Variants in NEBL observed in about 807,000 individuals in gnomAD.
NEBL encodes the protein nebulette, also known as LIM and SH3 protein 2.
A neutral mutation model predicts 140.2 loss-of-function variants in NEBL; 122 were observed. The ratio of observed to expected loss-of-function variants is 0.87; its 90% CI spans 0.75 to 1.01. The LOEUF is 1.01. Among genes scored for constraint, NEBL ranks in the 50% least tolerant of loss-of-function variants. The pLI, the probability that NEBL is intolerant of heterozygous loss-of-function variation, is 0.00. For missense variants in NEBL, 1,365 were observed against 1,231.3 expected (o/e 1.11, Z -1.62); for synonymous variants, 436 against 398.9 (o/e 1.09, Z -1.11).
At chr10:20,922,595 C>T (rs576177001) in intron 4 of NEBL, among the ~76,000 whole-genome samples, 4 of 152,298 alleles carry the variant, frequency 2.6e-5, no homozygotes, top group African/African-American at 9.6e-5. Context: ...CTGAAGACCT[C>T]CAGGGAAGGA....
chr10:21,232,327 AC>A (rs1221374083), intron 3 of NEBL, among the ~76,000 whole-genome samples: 1 of 152,144 alleles, frequency 6.6e-6, no homozygotes, highest in Non-Finnish European at 1.5e-5. Context: ...GGCACCAGGG[AC>A]CTGTTAAGTG....
In NEBL at chr10:20,845,902, T is replaced by C. The variant is rs75123427; in HGVS notation, c.1117-534A>G. On this transcript the variant is annotated intron_variant, in intron 11 of 27. Coordinates refer to ENST00000377122, the MANE Select transcript of NEBL (RefSeq NM_006393.3). ...GGGTTTCCCTTTAATGATTTTGGAG[T>C]TGAGAATATTTCTCTACCATCTATG... Among the ~76,000 whole-genome samples the C allele has an allele frequency of 1.3e-3, 203 of 152,242 alleles. 2 individuals are homozygous for C. The highest frequency in any genetic ancestry group is 4.7e-3 in the African/African-American group (194 of 41,556).
chr10:20,858,210 A>C, intron 9 of NEBL, 30 bp downstream of exon 9: 1 of 1,532,400 alleles, frequency 6.5e-7, no homozygotes, highest in Non-Finnish European at 9.0e-7. Context: ...CCACAAGGCA[A>C]CTACGGTTGC....
chr10:21,215,860 A>G (rs1841984450), intron 3 of NEBL, among the ~76,000 whole-genome samples: 2 of 152,114 alleles, frequency 1.3e-5, no homozygotes, highest in Non-Finnish European at 2.9e-5. Flanking sequence ...TTATAGAGAC[A>G]GGGTCTTGCC....
chr10:20,990,871 C>T (rs1022583365), intron 3 of NEBL, among the ~76,000 whole-genome samples: 2 of 152,170 alleles, frequency 1.3e-5, no homozygotes, highest in African/African-American at 4.8e-5. Context: ...CTCTGATTTT[C>T]TCATTACCAA....
At chr10:20,944,337 G>T (rs1173234613) in intron 4 of NEBL, among the ~76,000 whole-genome samples, 3 of 152,006 alleles carry the variant, frequency 2.0e-5, no homozygotes, top group African/African-American at 4.8e-5. Context: ...GAGGCGGAGG[G>T]TGCACTGAGC....
intron 3 of NEBL, among the ~76,000 whole-genome samples, chr10:21,014,396 T>C (rs767466705): frequency 1.3e-5 from 2 of 152,194 alleles, no homozygotes; most frequent in Non-Finnish European, 2.9e-5. Flanking sequence ...AAATCTGACA[T>C]GCAATCGGTA....
intron 4 of NEBL, among the ~76,000 whole-genome samples, chr10:20,909,892 G>GA (rs570798135): frequency 1.1e-4 from 17 of 150,462 alleles, no homozygotes; most frequent in South Asian, 4.2e-4. Flanking sequence ...ATATCTGCAG[G>GA]AAAAAAAAAG....
intron 2 of NEBL, among the ~76,000 whole-genome samples, chr10:21,137,808 T>C (rs1165712153): frequency 1.3e-5 from 2 of 151,678 alleles, no homozygotes; most frequent in South Asian, 2.1e-4. Context: ...CTGAGCATTA[T>C]GGTATGTGCT....
intron 3 of NEBL, among the ~76,000 whole-genome samples, chr10:20,986,378 A>T (rs1381015329): frequency 6.6e-6 from 1 of 152,202 alleles, no homozygotes; most frequent in Non-Finnish European, 1.5e-5. Flanking sequence ...ATTAAGCCAA[A>T]AATAATTCAG....
intron 13 of NEBL, among the ~76,000 whole-genome samples, chr10:20,835,844 T>C (rs1840837343): frequency 6.6e-6 from 1 of 152,208 alleles, no homozygotes; most frequent in Non-Finnish European, 1.5e-5. Context: ...AAATGTTTAG[T>C]ATACAAAGGC....
At chr10:21,158,355 A>G (rs370351347) in intron 2 of NEBL, among the ~76,000 whole-genome samples, 9 of 152,328 alleles carry the variant, frequency 5.9e-5, no homozygotes, top group African/African-American at 2.2e-4. Context: ...ACATTTATAC[A>G]GTGTCTACTC....
chr10:21,055,674 T>C (rs563022273), intron 2 of NEBL, among the ~76,000 whole-genome samples: 72 of 152,290 alleles, frequency 4.7e-4, no homozygotes, highest in Non-Finnish European at 9.1e-4. Flanking sequence ...TTAATATCTG[T>C]AAAGTGTTGA....
intron 3 of NEBL, among the ~76,000 whole-genome samples, chr10:21,243,120 C>T (rs1336122073): frequency 6.6e-6 from 1 of 152,112 alleles, no homozygotes; most frequent in Non-Finnish European, 1.5e-5. Context: ...TGAGTCTCCA[C>T]TTAGAACCTG....
At chr10:20,872,974 C>T (rs1845118754) in intron 5 of NEBL, among the ~76,000 whole-genome samples, 1 of 152,190 alleles carries the variant, frequency 6.6e-6, no homozygotes. Context: ...TCTTTTACTT[C>T]TCTAGTGAAC....
intron 2 of NEBL, among the ~76,000 whole-genome samples, chr10:21,049,165 T>C (rs1261668174): frequency 6.6e-6 from 1 of 152,236 alleles, no homozygotes; most frequent in Non-Finnish European, 1.5e-5. Flanking sequence ...ATTAAAATGT[T>C]AATCTCATGT....
At chr10:21,006,363 T>C (rs1428426511) in intron 3 of NEBL, among the ~76,000 whole-genome samples, 1 of 152,204 alleles carries the variant, frequency 6.6e-6, no homozygotes, top group Non-Finnish European at 1.5e-5. Flanking sequence ...TGTTGCTAGA[T>C]TGCTTTTTTT....
intron 2 of NEBL, among the ~76,000 whole-genome samples, chr10:21,248,472 C>T (rs1842546469): frequency 2.0e-5 from 3 of 152,148 alleles, no homozygotes; most frequent in Non-Finnish European, 4.4e-5. Flanking sequence ...CCTCAAGATT[C>T]ATCCATGTTG....
At chr10:20,921,987 G>A (rs1833610512) in intron 4 of NEBL, among the ~76,000 whole-genome samples, 1 of 152,206 alleles carries the variant, frequency 6.6e-6, no homozygotes, top group Non-Finnish European at 1.5e-5. Flanking sequence ...ATGTGAAAAT[G>A]CACTTTTTTG....
Sources: allele counts gnomAD v4.1 joint callset (sites outside exome capture counted in the v4.1 genomes callset), GRCh38; gene constraint gnomAD v4.1.1; transcripts MANE v1.5; gene names NCBI Gene and HGNC (gene_info 2026-07-23, HGNC 2026-07-21).